Variants in ULK4 observed in about 807,000 individuals in gnomAD.
ULK4 encodes the protein inactive serine/threonine-protein kinase ULK4.
In ULK4, 133 loss-of-function variants were observed where a neutral mutation model predicts 160.6. That is an observed-to-expected ratio of 0.83 (90% CI 0.72 to 0.96). The LOEUF (loss-of-function observed/expected upper bound fraction) is 0.96, where lower values mean the gene tolerates loss of function less well. ULK4 is among the 40% of genes least tolerant of loss of function. The pLI, the probability that ULK4 is intolerant of heterozygous loss-of-function variation, is 0.00. For synonymous variants in ULK4, 534 were observed against 539.8 expected (o/e 0.99, Z 0.15); for missense variants, 1,580 against 1,499.5 (o/e 1.05, Z -0.89).
In ULK4 at chr3:41,404,324, A is replaced by C. The variant is rs577738249; in HGVS notation, c.3493-6060T>G. ...GTCATTTCAGTGGATAGATCTTTTA[A>C]TCATTAGGTAATGTCCCTCTCTGCC... On this transcript the variant is annotated intron_variant, in intron 34 of 36. Transcript: ENST00000301831. Among the ~76,000 whole-genome samples, 3 of 151,324 alleles carry C rather than the reference A, an allele frequency of 2.0e-5. No individual in the cohort carries two copies. In the South Asian group the frequency reaches 6.3e-4, roughly 32 times the overall value.
At chr3:41,252,928 G>T (rs2078768486) in intron 35 of ULK4, among the ~76,000 whole-genome samples, 1 of 151,984 alleles carries the variant, frequency 6.6e-6, no homozygotes, top group Non-Finnish European at 1.5e-5. Flanking sequence ...TTACTTATAG[G>T]GTAACAATAA....
At chr3:41,615,392 A>G (rs1489337648) in intron 31 of ULK4, among the ~76,000 whole-genome samples, 1 of 152,232 alleles carries the variant, frequency 6.6e-6, no homozygotes, top group Non-Finnish European at 1.5e-5. Context: ...AAAGTAATCT[A>G]TGTTAGAAAA....
At chr3:41,953,629 A>G (rs1217316671) in intron 2 of ULK4, among the ~76,000 whole-genome samples, 5 of 152,132 alleles carry the variant, frequency 3.3e-5, no homozygotes. Flanking sequence ...ATAAAGTGAC[A>G]CAGCTATTTC....
In ULK4 at chr3:41,716,029, T is replaced by C. The variant is rs181520385; in HGVS notation, c.2456-461A>G. Among the ~76,000 whole-genome samples, 422 of 151,252 alleles carry C rather than the reference T, an allele frequency of 2.8e-3. 1 individual carries two copies. The highest frequency in any genetic ancestry group is 0.017 in the Middle Eastern group (5 of 294). The stretch of plus-strand genomic sequence containing the variant: ...GAGATCGAGACCATCCTGGCCAAAA[T>C]AGTGAAACCCCATCTCTAATAAAAA... On this transcript the variant is annotated intron_variant, in intron 23 of 36. Transcript: ENST00000301831.
At chr3:41,258,592 T>C (rs2078882428) in intron 35 of ULK4, 1 of 152,194 alleles carries the variant, frequency 6.6e-6, no homozygotes, top group African/African-American at 2.4e-5. Flanking sequence ...ATAGCAGAGG[T>C]TCCTGGACCT....
chr3:41,788,976 T>C (rs1429709374), intron 21 of ULK4, among the ~76,000 whole-genome samples: 5 of 152,136 alleles, frequency 3.3e-5, no homozygotes, highest in Non-Finnish European at 7.4e-5. Context: ...CTCACTAAAA[T>C]GTAGATTCTG....
chr3:41,895,093 G>A (rs1185304833), intron 16 of ULK4, among the ~76,000 whole-genome samples: 1 of 152,156 alleles, frequency 6.6e-6, no homozygotes, highest in Non-Finnish European at 1.5e-5. Context: ...CAGGGTTTAA[G>A]TATTTTATAA....
intron 35 of ULK4, among the ~76,000 whole-genome samples, chr3:41,259,289 G>C (rs2078900657): frequency 6.6e-6 from 1 of 152,158 alleles, no homozygotes; most frequent in Non-Finnish European, 1.5e-5. Flanking sequence ...CTAGGCTCAT[G>C]AATTGTAAAG....
At chr3:41,957,412 GCCACTGTACT>G (rs1469237051) in intron 1 of ULK4, among the ~76,000 whole-genome samples, 2 of 126,832 alleles carry the variant, frequency 1.6e-5, no homozygotes, top group Non-Finnish European at 3.2e-5. Flanking sequence ...CTAAGATGGT[GCCACTGTACT>G]CCAGCCTGGG....
At chr3:41,856,713 C>T (rs1457691401) in intron 17 of ULK4, among the ~76,000 whole-genome samples, 4 of 149,936 alleles carry the variant, frequency 2.7e-5, no homozygotes, top group Admixed American at 2.0e-4. Flanking sequence ...CAAGACCAGA[C>T]TCAGCAACAT....
intron 35 of ULK4, chr3:41,258,389 C>A (rs2078875897): frequency 6.6e-6 from 1 of 152,082 alleles, no homozygotes; most frequent in South Asian, 2.1e-4. Context: ...GACTAAGAGA[C>A]TATTGGTGAA....
At chr3:41,455,199 T>C (rs73828040) in intron 34 of ULK4, among the ~76,000 whole-genome samples, 2,916 of 152,274 alleles carry the variant, frequency 0.019, 88 homozygotes, top group African/African-American at 0.065. Flanking sequence ...TTGATTCCCA[T>C]AGCAATTTCT....
chr3:41,374,309 C>T (rs560738024), intron 35 of ULK4, among the ~76,000 whole-genome samples: 1 of 152,242 alleles, frequency 6.6e-6, no homozygotes, highest in Non-Finnish European at 1.5e-5. Context: ...CATCCTGATA[C>T]CAAAACCCGG....
chr3:41,956,148 A>C (rs530465418), intron 1 of ULK4, among the ~76,000 whole-genome samples: 2 of 152,312 alleles, frequency 1.3e-5, no homozygotes, highest in African/African-American at 4.8e-5. Context: ...ATTGGGGCGT[A>C]GTCTTGGTTT....
chr3:41,508,288 C>T lies in ULK4; in HGVS notation c.3227-45035G>A, dbSNP rs183061061. Reference sequence around the variant, plus strand: ...TCACAGCAGCCACAGCAAGCCCTGCCCAAGGAGAGTCTGAGCTCAGACATG... The same window carrying T: ...TCACAGCAGCCACAGCAAGCCCTGCTCAAGGAGAGTCTGAGCTCAGACATG... On this transcript the variant is annotated intron_variant, in intron 32 of 36. Coordinates refer to ENST00000301831, the MANE Select transcript of ULK4 (RefSeq NM_017886.4). Among the ~76,000 whole-genome samples the T allele has an allele frequency of 4.5e-4, 69 of 152,216 alleles. 1 individual carries two copies. Among genetic ancestry groups the T allele is most frequent in the African/African-American group, 1.5e-3 (64 of 41,532 alleles).
At chr3:41,919,419 T>C (rs1699105007) in intron 6 of ULK4, among the ~76,000 whole-genome samples, 1 of 152,168 alleles carries the variant, frequency 6.6e-6, no homozygotes, top group Middle Eastern at 3.4e-3. Context: ...CTGGCCAACA[T>C]GGTGAGACCC....
At chr3:41,554,133 G>T (rs796987890) in intron 32 of ULK4, among the ~76,000 whole-genome samples, 174 of 152,168 alleles carry the variant, frequency 1.1e-3, no homozygotes, top group African/African-American at 4.1e-3. Flanking sequence ...ATAACCTGCA[G>T]TTCCACGGAA....
chr3:41,696,111 C>A (rs1426932501), intron 27 of ULK4, among the ~76,000 whole-genome samples: 2 of 152,270 alleles, frequency 1.3e-5, no homozygotes, highest in South Asian at 4.1e-4. Flanking sequence ...AGGCAATCTC[C>A]CTTTCCCCGG....
intron 22 of ULK4, 84 bp downstream of exon 22, chr3:41,754,262 AAAATACCAGATACAC>A: frequency 7.3e-7 from 1 of 1,363,050 alleles, no homozygotes. Flanking sequence ...CTCTTAAAAA[AAAATACCAGATACAC>A]AGAGGCCAAG....
Sources: gnomAD v4.1 joint callset for allele counts (sites outside exome capture counted in the v4.1 genomes callset) on GRCh38, gnomAD v4.1.1 for gene constraint, MANE v1.5 for transcripts, NCBI Gene and HGNC (gene_info 2026-07-23, HGNC 2026-07-21) for gene names.